ZNF654: variants seen among roughly 807,000 people sequenced by gnomAD.
ZNF654 encodes the protein zinc finger protein 654.
ZNF654 carries 19 observed loss-of-function variants against 95.3 expected under a neutral mutation model. That is an observed-to-expected ratio of 0.20 (90% CI 0.14 to 0.29). The LOEUF (loss-of-function observed/expected upper bound fraction) is 0.29, where lower values mean the gene tolerates loss of function less well. Ranked by LOEUF, ZNF654 falls within the 10% of genes least tolerant of loss-of-function variation. The probability of loss-of-function intolerance (pLI) is 1.00; values close to 1 mark genes in which losing one functional copy is unlikely to be tolerated. For missense variants in ZNF654, 1,046 were observed against 1,341.0 expected (o/e 0.78, Z 3.44); for synonymous variants, 413 against 457.9 (o/e 0.90, Z 1.25).
chr3:88,089,725 A>G (rs1180725534), intron 2 of ZNF654, among the ~76,000 whole-genome samples: 3 of 152,178 alleles, frequency 2.0e-5, no homozygotes, highest in South Asian at 2.1e-4. Context: ...CCTTCTGCCT[A>G]CTACAGATCC....
intron 8 of ZNF654, 112 bp downstream of exon 8, chr3:88,141,160 G>A: frequency 8.2e-7 from 1 of 1,222,732 alleles, no homozygotes; most frequent in Non-Finnish European, 1.1e-6. Flanking sequence ...AGCACAGGTA[G>A]TGAAGCATTA....
chr3:88,101,524 G>A (rs1187817374), intron 2 of ZNF654, among the ~76,000 whole-genome samples: 1 of 151,976 alleles, frequency 6.6e-6, no homozygotes, highest in East Asian at 1.9e-4. Context: ...TTTATCAGTA[G>A]CTCATTTCTT....
In ZNF654 at chr3:88,127,281, G is replaced by A. The variant is rs142302764; in HGVS notation, c.550+1012G>A. Among the ~76,000 whole-genome samples, 1,187 of 152,224 alleles carry A rather than the reference G, an allele frequency of 7.8e-3. 22 individuals are homozygous for A. Among genetic ancestry groups the A allele is most frequent in the African/African-American group, 0.027 (1,132 of 41,538 alleles). ...ATTTCTGTTAGTCACAGGCTAAGGG[G>A]TTAGGGTGGGTTGTGAATGCAGTTA... On this transcript the variant is annotated intron_variant, in intron 4 of 8. Transcript: ENST00000636215.
chr3:88,133,076 A>G (rs1235427513), intron 6 of ZNF654, among the ~76,000 whole-genome samples: 5 of 152,176 alleles, frequency 3.3e-5, no homozygotes, highest in East Asian at 1.9e-4. Context: ...AGGAACATCA[A>G]CAAACCCCAA....
At chr3:88,087,290 C>G (rs1708386705) in intron 2 of ZNF654, among the ~76,000 whole-genome samples, 1 of 151,068 alleles carries the variant, frequency 6.6e-6, no homozygotes, top group Admixed American at 6.6e-5. Flanking sequence ...GTTGGCCAGG[C>G]TGGTCTTGAA....
At chr3:88,071,637 A>AAAAC (rs10624681) in intron 1 of ZNF654, among the ~76,000 whole-genome samples, 141,640 of 150,760 alleles carry the variant, frequency 0.94, 67,086 homozygotes, top group Non-Finnish European at 1. Flanking sequence ...CTCCATCTCA[A>AAAAC]AAACAAACAA....
chr3:88,135,440 C>T, intron 7 of ZNF654: 1 of 293,068 alleles, frequency 3.4e-6, no homozygotes, highest in East Asian at 5.6e-5. Flanking sequence ...AACCTTTTTT[C>T]TTATAATTAA....
chr3:88,095,972 G>A (rs1414489805), intron 2 of ZNF654: 2 of 304,734 alleles, frequency 6.6e-6, no homozygotes, highest in Non-Finnish European at 1.2e-5. Flanking sequence ...TCTTTCCCGT[G>A]TTGCACTGTT....
At chr3:88,124,838 A>G (rs1705991841) in intron 3 of ZNF654, among the ~76,000 whole-genome samples, 1 of 151,418 alleles carries the variant, frequency 6.6e-6, no homozygotes, top group South Asian at 2.1e-4. Flanking sequence ...AGCTCTATTT[A>G]TGCATTTTTG....
At chr3:88,102,373 A>T (rs962082586) in intron 2 of ZNF654, among the ~76,000 whole-genome samples, 1 of 152,142 alleles carries the variant, frequency 6.6e-6, no homozygotes. Flanking sequence ...TTTATTTTAA[A>T]TAGTTTTCTA....
rs1024202867 is a variant in ZNF654, at chr3:88,138,877, G to A, written c.1208G>A (p.Arg403His). ...ICALSIFFLE[R>H]SLEAYRTVEE... ...GCACTCTCAATATTTTTTCTGGAGCGCTCCTTAGAAGCGTATCGTACTGTT... is the reference window on the plus strand; with the variant it reads ...GCACTCTCAATATTTTTTCTGGAGCACTCCTTAGAAGCGTATCGTACTGTT... The change falls in exon 8 of 9, where the codon CGC (arginine) becomes CAC (histidine). Residue 403 changes from arginine (R) to histidine (H), a missense_variant. Arg to His is a conservative substitution (Grantham distance 29). Around this residue, in one of 9 missense-constraint regions of ZNF654, gnomAD observed 78 missense variants for 154.2 expected, o/e 0.51. Transcript: ENST00000636215. 4.9e-6 allele frequency: 6 copies of A among 1,231,872 alleles called. No homozygotes were observed. The highest frequency in any genetic ancestry group is 3.2e-5 in the East Asian group (1 of 31,706). 76.3% of individuals were successfully genotyped at this position (1,231,872 alleles called of 1,614,324 possible).
chr3:88,089,030 C>T (rs574900955), intron 2 of ZNF654, among the ~76,000 whole-genome samples: 8 of 151,818 alleles, frequency 5.3e-5, no homozygotes, highest in African/African-American at 1.9e-4. Context: ...ACCTCAGGCT[C>T]CCAAAGTGCT....
At chr3:88,098,610 G>A (rs1316461466) in intron 2 of ZNF654, among the ~76,000 whole-genome samples, 4 of 152,120 alleles carry the variant, frequency 2.6e-5, no homozygotes, top group Non-Finnish European at 1.5e-5. Flanking sequence ...GAATCCAGCA[G>A]CACAGCAAAA....
Position 88,059,398 on chromosome 3 carries a change from C to G in ZNF654, c.79C>G (p.Pro27Ala). ...LVAIVESPLG[P>A]VGLRAAGDGR... ...GGCCATTGTGGAGTCCCCGCTGGGC[C>G]CTGTGGGGCTTAGAGCTGCGGGCGA... is the stretch of plus-strand genomic sequence containing the variant. The change falls in exon 1 of 9, where the codon CCT (proline) becomes GCT (alanine). Residue 27 changes from proline to alanine, a missense_variant. Physicochemically the swap from Pro to Ala is conservative, Grantham distance 27. Transcript: ENST00000636215. The G allele has an allele frequency of 6.5e-7, 1 of 1,534,216 alleles. No homozygotes were observed. The highest frequency in any genetic ancestry group is 8.7e-7 in the Non-Finnish European group (1 of 1,146,226).
chr3:88,089,922 A>G (rs1708544202), intron 2 of ZNF654, among the ~76,000 whole-genome samples: 1 of 152,222 alleles, frequency 6.6e-6, no homozygotes, highest in Non-Finnish European at 1.5e-5. Flanking sequence ...AATGGAGCTG[A>G]AAAATTCCTA....
chr3:88,073,566 T>A (rs1427087853), intron 1 of ZNF654, among the ~76,000 whole-genome samples: 1 of 152,216 alleles, frequency 6.6e-6, no homozygotes, highest in African/African-American at 2.4e-5. Context: ...TATACTAAAG[T>A]ACTTAGCATT....
intron 4 of ZNF654, 108 bp downstream of exon 4, chr3:88,126,377 T>C (rs551879394): frequency 3.0e-5 from 34 of 1,137,382 alleles, no homozygotes; most frequent in Non-Finnish European, 3.8e-5. Context: ...TAATACTGAA[T>C]AATGGGAGTG....
intron 2 of ZNF654, among the ~76,000 whole-genome samples, chr3:88,105,395 GTGT>G (rs1704676850): frequency 2.0e-5 from 3 of 152,068 alleles, no homozygotes; most frequent in South Asian, 2.1e-4. Context: ...GAATTTTGTT[GTGT>G]TGATGTAGCA....
intron 3 of ZNF654, among the ~76,000 whole-genome samples, chr3:88,121,189 C>G (rs1413671579): frequency 1.3e-5 from 2 of 151,968 alleles, no homozygotes; most frequent in Non-Finnish European, 2.9e-5. Flanking sequence ...AAATGCCTTC[C>G]GTGAATTATG....
Sources: allele counts gnomAD v4.1 joint callset (sites outside exome capture counted in the v4.1 genomes callset), GRCh38; gene constraint gnomAD v4.1.1; regional missense constraint gnomAD v4.1.1; transcripts MANE v1.5; gene names NCBI Gene and HGNC (gene_info 2026-07-23, HGNC 2026-07-21).